CNTLN: variants seen among roughly 807,000 people sequenced by gnomAD.
CNTLN encodes centlein, also known as centlein, centrosomal protein.
CNTLN carries 212 observed loss-of-function variants against 180.0 expected under a neutral mutation model. That is an observed-to-expected ratio of 1.18 (90% confidence interval 1.05 to 1.32). The LOEUF (loss-of-function observed/expected upper bound fraction) is 1.32, where lower values mean the gene tolerates loss of function less well. CNTLN is among the 40% of genes most tolerant of loss of function. The pLI is 0.00. For missense variants in CNTLN, 2,095 were observed against 1,610.9 expected (o/e 1.30, Z -5.14); for synonymous variants, 722 against 563.1 (o/e 1.28, Z -3.99).
At chr9:17,291,543 C>T (rs573425736) in intron 6 of CNTLN, among the ~76,000 whole-genome samples, 2 of 152,114 alleles carry the variant, frequency 1.3e-5, no homozygotes, top group Non-Finnish European at 2.9e-5. Flanking sequence ...TGAATTGAAC[C>T]CTTTACCATT....
Position 17,318,318 on chromosome 9 carries a change from C to T in CNTLN, c.1341+9066C>T, listed in dbSNP as rs564309595. Among the ~76,000 whole-genome samples the T allele has an allele frequency of 4.6e-5, 7 of 152,112 alleles. No individual in the cohort carries two copies. The South Asian group carries it at 8.3e-4, about 18-fold the overall frequency. On this transcript the variant is annotated intron_variant, in intron 8 of 25. Transcript: ENST00000380647. ...TGCTGGGATTACAGGCGTGAGCCAC[C>T]GCGCCGGGCCCTAACTGAATATTTT...
At chr9:17,320,008 T>A (rs1446375297) in intron 8 of CNTLN, among the ~76,000 whole-genome samples, 1 of 152,194 alleles carries the variant, frequency 6.6e-6, no homozygotes, top group African/African-American at 2.4e-5. Flanking sequence ...AGCGATTGTT[T>A]ATCTTTTTCA....
chr9:17,298,060 A>G (rs938349850), intron 6 of CNTLN, 130 bp from the exon 7 acceptor site: 5 of 577,340 alleles, frequency 8.7e-6, no homozygotes, highest in African/African-American at 1.9e-5. Context: ...TCTTTTATTA[A>G]TAAGTTTGCC....
intron 7 of CNTLN, among the ~76,000 whole-genome samples, chr9:17,302,776 T>A (rs1818462984): frequency 1.3e-5 from 2 of 152,158 alleles, no homozygotes; most frequent in African/African-American, 4.8e-5. Context: ...GATGAATGGT[T>A]CTGCAGTGGT....
chr9:17,320,005 G>A (rs1406084309), intron 8 of CNTLN, among the ~76,000 whole-genome samples: 1 of 152,144 alleles, frequency 6.6e-6, no homozygotes, highest in African/African-American at 2.4e-5. Flanking sequence ...CAAAGCGATT[G>A]TTTATCTTTT....
At chr9:17,162,717 G>T (rs948516261) in intron 2 of CNTLN, among the ~76,000 whole-genome samples, 1 of 152,148 alleles carries the variant, frequency 6.6e-6, no homozygotes, top group African/African-American at 2.4e-5. Context: ...TGGAGGGAGG[G>T]AAGTGGTTTG....
At chr9:17,479,406 G>A (rs74796826) in intron 23 of CNTLN, among the ~76,000 whole-genome samples, 5,315 of 152,196 alleles carry the variant, frequency 0.035, 308 homozygotes, top group African/African-American at 0.12. Context: ...AAACTCCGAC[G>A]GCATTATGCT....
chr9:17,173,542 G>A (rs1003535251), intron 2 of CNTLN, among the ~76,000 whole-genome samples: 2 of 152,220 alleles, frequency 1.3e-5, no homozygotes, highest in East Asian at 3.9e-4. Context: ...GGGTTAATCC[G>A]TGGCTGAAAT....
chr9:17,460,291 T>TA (rs1385092754), intron 19 of CNTLN, among the ~76,000 whole-genome samples: 1 of 151,640 alleles, frequency 6.6e-6, no homozygotes, highest in African/African-American at 2.4e-5. Flanking sequence ...ATGCAAATTT[T>TA]AAAAAAATAT....
intron 21 of CNTLN, among the ~76,000 whole-genome samples, chr9:17,465,342 C>G (rs1831686149): frequency 6.6e-6 from 1 of 150,614 alleles, no homozygotes; most frequent in South Asian, 2.1e-4. Context: ...TTCCACACAT[C>G]TGTGCAAGTT....
chr9:17,426,751 G>C (rs1829107794), intron 18 of CNTLN, among the ~76,000 whole-genome samples: 1 of 151,914 alleles, frequency 6.6e-6, no homozygotes, highest in Non-Finnish European at 1.5e-5. Context: ...GCCAGGATGG[G>C]ATGTTTCTAC....
intron 18 of CNTLN, among the ~76,000 whole-genome samples, chr9:17,456,682 T>G (rs1057452077): frequency 2.0e-5 from 3 of 152,128 alleles, no homozygotes; most frequent in Admixed American, 2.0e-4. Context: ...TTTGTCTAAT[T>G]GTACCTTATG....
intron 25 of CNTLN, among the ~76,000 whole-genome samples, chr9:17,492,699 T>C (rs1159579622): frequency 1.3e-5 from 2 of 152,168 alleles, no homozygotes; most frequent in East Asian, 3.8e-4. Context: ...ACATTAAGCA[T>C]AGAGTTACCA....
intron 7 of CNTLN, chr9:17,299,621 TAC>T (rs1285399439): frequency 3.0e-6 from 3 of 985,090 alleles, no homozygotes; most frequent in East Asian, 2.3e-4. Context: ...AGCAGGAAGA[TAC>T]AGTCTTCCAC....
intron 5 of CNTLN, among the ~76,000 whole-genome samples, chr9:17,259,923 C>G (rs1432309817): frequency 7.3e-6 from 1 of 136,126 alleles, no homozygotes. Flanking sequence ...TTTCAAAAAA[C>G]CAGCTCCTGG....
At chr9:17,175,935 A>G (rs949700877) in intron 2 of CNTLN, among the ~76,000 whole-genome samples, 1 of 152,068 alleles carries the variant, frequency 6.6e-6, no homozygotes, top group African/African-American at 2.4e-5. Flanking sequence ...ATATAGAATA[A>G]GGATTTCCGT....
At chr9:17,418,224 A>G (rs1828415301) in intron 18 of CNTLN, among the ~76,000 whole-genome samples, 1 of 152,034 alleles carries the variant, frequency 6.6e-6, no homozygotes, top group African/African-American at 2.4e-5. Flanking sequence ...GAAATTTTCC[A>G]TCTCAAAAAT....
the CNTLN span, among the ~76,000 whole-genome samples, chr9:17,516,339 C>G: frequency 6.6e-6 from 1 of 152,174 alleles, no homozygotes; most frequent in Non-Finnish European, 1.5e-5. Context: ...TTTGCTCACC[C>G]ATTGCAAGGG....
intron 25 of CNTLN, among the ~76,000 whole-genome samples, chr9:17,487,611 GA>G (rs1445748332): frequency 6.6e-6 from 1 of 152,080 alleles, no homozygotes; most frequent in African/African-American, 2.4e-5. Context: ...CAGAAAGAAT[GA>G]AAAAATTTCC....
Sources: gnomAD v4.1 joint callset for allele counts (sites outside exome capture counted in the v4.1 genomes callset) on GRCh38, gnomAD v4.1.1 for gene constraint, MANE v1.5 for transcripts, NCBI Gene and HGNC (gene_info 2026-07-23, HGNC 2026-07-21) for gene names.